DCDC2C: variants seen among roughly 807,000 people sequenced by gnomAD.
DCDC2C encodes doublecortin domain-containing protein 2C.
DCDC2C carries 44 observed loss-of-function variants against 45.0 expected under a neutral mutation model. The ratio of observed to expected loss-of-function variants is 0.98; its 90% confidence interval spans 0.77 to 1.26. DCDC2C has a LOEUF of 1.26. DCDC2C is among the 50% of genes most tolerant of loss of function. The pLI, the probability that DCDC2C is intolerant of heterozygous loss-of-function variation, is 0.00. For synonymous variants in DCDC2C, 187 were observed against 178.8 expected (o/e 1.05, Z -0.37); for missense variants, 447 against 468.9 (o/e 0.95, Z 0.43).
At chr2:3,748,598 G>A (rs1464862620) in intron 4 of DCDC2C, among the ~76,000 whole-genome samples, 1 of 152,152 alleles carries the variant, frequency 6.6e-6, no homozygotes, top group African/African-American at 2.4e-5. Context: ...CTGGATATGT[G>A]AGTGTGAAGT....
At chr2:3,718,743 G>C (rs1668414870) in intron 2 of DCDC2C, among the ~76,000 whole-genome samples, 1 of 152,144 alleles carries the variant, frequency 6.6e-6, no homozygotes, top group Non-Finnish European at 1.5e-5. Context: ...TCTGGAGTTG[G>C]TTCCTGCCGG....
chr2:3,760,846 A>T lies in DCDC2C; in HGVS notation c.726+6212A>T, dbSNP rs556243845. On this transcript the variant is annotated intron_variant, in intron 6 of 10. Coordinates refer to ENST00000399143, the MANE Select transcript of DCDC2C (RefSeq NM_001287444.2). ...TGTATCCCAGAACTTAAAGTAAAAT[A>T]AAAAAAAAGCCCATTTCCCAAGGAA... Among the ~76,000 whole-genome samples, 216 of 33,034 alleles carry T rather than the reference A, an allele frequency of 6.5e-3. 1 individual carries two copies. The highest frequency in any genetic ancestry group is 0.014 in the African/African-American group (205 of 14,198). The allele number at this position is 33,034 out of a possible 152,430, so 21.7% of individuals were successfully genotyped here. A position where few individuals can be genotyped will look rare whatever the true frequency, so the allele number is the denominator to read the frequency against.
chr2:3,823,779 A>T (rs566043124), intron 10 of DCDC2C, among the ~76,000 whole-genome samples: 2 of 151,834 alleles, frequency 1.3e-5, no homozygotes, highest in East Asian at 3.9e-4. Flanking sequence ...AATTTTTTTG[A>T]ATTTTCATCA....
At chr2:3,735,734 CTG>C (rs1410081985) in intron 3 of DCDC2C, among the ~76,000 whole-genome samples, 2 of 152,028 alleles carry the variant, frequency 1.3e-5, no homozygotes, top group African/African-American at 4.8e-5. Context: ...TTGATGATGA[CTG>C]TGAAATACTG....
chr2:3,769,169 G>A (rs13003140), intron 7 of DCDC2C, 142 bp from the exon 8 acceptor site: 9 of 667,264 alleles, frequency 1.3e-5, no homozygotes, highest in Non-Finnish European at 2.1e-5. Flanking sequence ...TGAGGCGGAC[G>A]GGGTTTGGGA....
At position 3,787,253 on chromosome 2, in the gene DCDC2C, T is replaced by C. The variant is rs115248734; in HGVS notation, c.1065+2153T>C. On this transcript the variant is annotated intron_variant, in intron 10 of 10. Coordinates refer to ENST00000399143, the MANE Select transcript of DCDC2C (RefSeq NM_001287444.2). ...AAAGGGAATATTTTACCAAACATAATGTAATGAAAAGAATGCAAATTGGGC... is the reference window on the plus strand; with the variant it reads ...AAAGGGAATATTTTACCAAACATAACGTAATGAAAAGAATGCAAATTGGGC... Among the ~76,000 whole-genome samples, 1,104 of 152,340 alleles carry C rather than the reference T, an allele frequency of 7.2e-3. 11 individuals are homozygous for C. Among genetic ancestry groups the C allele is most frequent in the African/African-American group, 0.025 (1,052 of 41,560 alleles).
intron 3 of DCDC2C, among the ~76,000 whole-genome samples, chr2:3,729,657 T>C (rs1668803376): frequency 6.6e-6 from 1 of 152,210 alleles, no homozygotes. Context: ...TCCTGCCTGA[T>C]GCTTGCAGTT....
intron 4 of DCDC2C, among the ~76,000 whole-genome samples, chr2:3,752,156 C>G (rs1193352413): frequency 6.6e-6 from 1 of 152,148 alleles, no homozygotes; most frequent in East Asian, 1.9e-4. Flanking sequence ...TCATATTTAG[C>G]TTTGTAGGCT....
chr2:3,718,158 C>G (rs1345125318), intron 2 of DCDC2C, among the ~76,000 whole-genome samples: 1 of 152,220 alleles, frequency 6.6e-6, no homozygotes, highest in Non-Finnish European at 1.5e-5. Context: ...GGTGGGTCCT[C>G]TATGAATAGG....
chr2:3,722,578 C>T (rs1668530770), intron 2 of DCDC2C, among the ~76,000 whole-genome samples: 1 of 152,216 alleles, frequency 6.6e-6, no homozygotes, highest in South Asian at 2.1e-4. Flanking sequence ...AGGTCTAAAG[C>T]TCATGGCGTC....
intron 2 of DCDC2C, among the ~76,000 whole-genome samples, chr2:3,717,835 C>G (rs1668388201): frequency 6.6e-6 from 1 of 152,234 alleles, no homozygotes; most frequent in Non-Finnish European, 1.5e-5. Context: ...CGCCTATCCT[C>G]AAGCCAGGGT....
intron 9 of DCDC2C, among the ~76,000 whole-genome samples, chr2:3,781,428 A>G (rs1670506324): frequency 6.6e-6 from 1 of 152,248 alleles, no homozygotes. Flanking sequence ...TCAGTGTCTT[A>G]TATACAGTAG....
At chr2:3,763,092 C>A (rs1669925566) in intron 6 of DCDC2C, among the ~76,000 whole-genome samples, 1 of 152,150 alleles carries the variant, frequency 6.6e-6, no homozygotes, top group Non-Finnish European at 1.5e-5. Context: ...CCTCCACACC[C>A]CTCCCCTGGA....
At chr2:3,825,131 G>A (rs1017630298) in intron 10 of DCDC2C, among the ~76,000 whole-genome samples, 11 of 152,280 alleles carry the variant, frequency 7.2e-5, no homozygotes, top group Admixed American at 2.6e-4. Context: ...CATCATGGGG[G>A]ACACTTTCCC....
At chr2:3,793,269 T>C (rs1029897843) in intron 10 of DCDC2C, among the ~76,000 whole-genome samples, 1 of 152,190 alleles carries the variant, frequency 6.6e-6, no homozygotes, top group Non-Finnish European at 1.5e-5. Flanking sequence ...AATTGGTAAA[T>C]ATTGTAGGCA....
chr2:3,720,594 A>G (rs562060983), intron 2 of DCDC2C, among the ~76,000 whole-genome samples: 49 of 152,336 alleles, frequency 3.2e-4, no homozygotes, highest in African/African-American at 1.2e-3. Context: ...GAAACTCTCA[A>G]TGGGATGTAG....
chr2:3,765,576 C>T (rs1305800352), intron 6 of DCDC2C, among the ~76,000 whole-genome samples: 1 of 152,178 alleles, frequency 6.6e-6, no homozygotes, highest in Non-Finnish European at 1.5e-5. Context: ...CTGTGGCTAC[C>T]TCCTTAAGGG....
intron 3 of DCDC2C, among the ~76,000 whole-genome samples, chr2:3,740,514 A>G (rs1669172974): frequency 6.6e-6 from 1 of 152,238 alleles, no homozygotes; most frequent in South Asian, 2.1e-4. Flanking sequence ...ATATAACAAG[A>G]CCTTGTTTAA....
At chr2:3,783,820 A>T (rs11899941) in intron 9 of DCDC2C, among the ~76,000 whole-genome samples, 6,308 of 152,318 alleles carry the variant, frequency 0.041, 445 homozygotes, top group African/African-American at 0.14. Context: ...CAAAAGGCTA[A>T]ATCAGAAGAA....
Sources: allele counts gnomAD v4.1 joint callset (sites outside exome capture counted in the v4.1 genomes callset), GRCh38; gene constraint gnomAD v4.1.1; transcripts MANE v1.5; gene names NCBI Gene and HGNC (gene_info 2026-07-23, HGNC 2026-07-21).